PHYKPL: variants seen among roughly 807,000 people sequenced by gnomAD.
PHYKPL encodes 5-phosphonooxy-L-lysine phospho-lyase.
A neutral mutation model predicts 51.3 loss-of-function variants in PHYKPL; 42 were observed. That is an observed-to-expected ratio of 0.82 (90% confidence interval 0.64 to 1.06). PHYKPL has a LOEUF of 1.06. Among genes scored for constraint, PHYKPL ranks in the 50% least tolerant of loss-of-function variants. The pLI, the probability that PHYKPL is intolerant of heterozygous loss-of-function variation, is 0.00. For synonymous variants in PHYKPL, 264 were observed against 236.0 expected (o/e 1.12, Z -1.09); for missense variants, 655 against 586.6 (o/e 1.12, Z -1.20).
chr5:178,230,243 A>C, intron 2 of PHYKPL, 144 bp from the exon 3 acceptor site: 1 of 985,358 alleles, frequency 1.0e-6, no homozygotes, highest in East Asian at 2.6e-5. Context: ...AAGGCAGAGC[A>C]GGGAGAGAGA....
At chr5:178,225,285 A>G (rs1762062254) in intron 4 of PHYKPL, 70 bp downstream of exon 4, 1 of 1,566,294 alleles carries the variant, frequency 6.4e-7, no homozygotes, top group Non-Finnish European at 8.8e-7. Flanking sequence ...ACCCAGAGTC[A>G]GTCTCACGGA....
chr5:178,222,529 G>T lies in PHYKPL; in HGVS notation c.753C>A (p.Gly251=). Residue 251 remains glycine (G), a synonymous_variant, in exon 8 of 13, where the codon GGC becomes GGA. Transcript: ENST00000308158. ...GVFVADEIQV[G]FGRVGKHFWA... ...AGAAGTGCTTGCCTACCCGGCCAAA[G>T]CCAACCTGGATCTCATCTGCAACAA... 1.9e-6 allele frequency: 3 copies of T among 1,614,246 alleles called. No homozygotes were observed.
intron 6 of PHYKPL, 100 bp downstream of exon 6, chr5:178,224,348 T>C (rs1761838130): frequency 7.9e-7 from 1 of 1,262,322 alleles, no homozygotes; most frequent in Non-Finnish European, 1.1e-6. Flanking sequence ...CAGGGCCTCG[T>C]TTGGTTTTCT....
At chr5:178,226,982 A>G (rs1044297638) in intron 3 of PHYKPL, among the ~76,000 whole-genome samples, 6 of 81,480 alleles carry the variant, frequency 7.4e-5, no homozygotes, top group African/African-American at 3.7e-4. Flanking sequence ...GCCAAAAAAG[A>G]AGAAGTGATC....
At chr5:178,231,859 C>T (rs1443963709) in intron 1 of PHYKPL, 3 of 1,336,672 alleles carry the variant, frequency 2.2e-6, no homozygotes, top group African/African-American at 3.0e-5. Flanking sequence ...CTCCATAAGG[C>T]CGCGTGTCTT....
At chr5:178,209,324 T>A in intron 12 of PHYKPL, 1 of 1,613,508 alleles carries the variant, frequency 6.2e-7, no homozygotes, top group Non-Finnish European at 8.5e-7. Context: ...TCCTCTTGAC[T>A]TTTAGTGTGA....
intron 1 of PHYKPL, 30 bp downstream of exon 1, chr5:178,232,462 C>T (rs138665724): frequency 2.8e-5 from 38 of 1,358,608 alleles, no homozygotes; most frequent in Non-Finnish European, 3.4e-5. Flanking sequence ...CAGCCCCGCG[C>T]CCCCCGCCGC....
intron 6 of PHYKPL, among the ~76,000 whole-genome samples, chr5:178,223,153 G>T (rs1379801912): frequency 6.6e-6 from 1 of 152,090 alleles, no homozygotes; most frequent in East Asian, 1.9e-4. Context: ...CCTAGTACTT[G>T]GCATGCCCCA....
chr5:178,212,500 G>A (rs888415077), intron 11 of PHYKPL, among the ~76,000 whole-genome samples: 4 of 152,232 alleles, frequency 2.6e-5, no homozygotes, highest in African/African-American at 9.7e-5. Flanking sequence ...ACCATCCTAG[G>A]TGATGGGGAA....
At chr5:178,213,136 TCA>T in intron 10 of PHYKPL, 33 bp from the exon 11 acceptor site, 1 of 1,610,354 alleles carries the variant, frequency 6.2e-7, no homozygotes. Flanking sequence ...CACATGGCCT[TCA>T]AGGCCTTCCT....
chr5:178,217,676 G>A (rs796946334), intron 8 of PHYKPL, among the ~76,000 whole-genome samples: 4 of 151,222 alleles, frequency 2.6e-5, no homozygotes, highest in Non-Finnish European at 5.9e-5. Flanking sequence ...GGCTAACATG[G>A]TGAAACCCCG....
chr5:178,207,163 AAAG>A (rs779825150), downstream of PHYKPL: 44 of 1,614,062 alleles, frequency 2.7e-5, no homozygotes, highest in East Asian at 2.2e-5. Context: ...TATCACCTTT[AAAG>A]AAGAAGAACC....
At chr5:178,219,156 TAAAC>T (rs1375973840) in intron 8 of PHYKPL, among the ~76,000 whole-genome samples, 4 of 152,166 alleles carry the variant, frequency 2.6e-5, no homozygotes, top group African/African-American at 4.8e-5. Flanking sequence ...AGAGATATCT[TAAAC>T]AATATATGAA....
intron 12 of PHYKPL, chr5:178,209,242 A>G: frequency 9.7e-7 from 1 of 1,025,896 alleles, no homozygotes; most frequent in South Asian, 1.3e-5. Context: ...CTGATCCACC[A>G]TTTGATGTTT....
intron 1 of PHYKPL, 21 bp downstream of exon 1, chr5:178,232,467 CGCCG>C: frequency 1.5e-6 from 2 of 1,359,370 alleles, no homozygotes; most frequent in Non-Finnish European, 1.9e-6. Flanking sequence ...CCGCGCCCCC[CGCCG>C]CCCGCCCCCC....
chr5:178,208,405 A>G (rs1757209807), downstream of PHYKPL: 1 of 152,206 alleles, frequency 6.6e-6, no homozygotes, highest in African/African-American at 2.4e-5. Flanking sequence ...CTTTTTCTCT[A>G]TGTGCCATAA....
intron 12 of PHYKPL, chr5:178,210,330 A>G (rs1757837479): frequency 3.7e-6 from 6 of 1,610,744 alleles, no homozygotes; most frequent in African/African-American, 1.3e-5. Flanking sequence ...GGGAGGCAGG[A>G]CAGTGTAGGA....
rs1057389240 is a variant in PHYKPL at position 178,224,469 on chromosome 5, A to G, written c.597T>C (p.Ser199=). The change falls in exon 6 of 13, where the codon AGT becomes AGC. Residue 199 remains serine, a synonymous_variant. Transcript: ENST00000308158. ...TTACCTTCCTGCCCTTCTCCTGTGC[A>G]CTGCTGACCACACGTTTCACCTCGT... The part of the protein sequence containing the change: ...YANEVKRVVS[S]AQEKGRKIAA... The G allele has an allele frequency of 6.3e-7, 1 of 1,598,288 alleles. No individual in the cohort carries two copies. The highest frequency in any genetic ancestry group is 8.5e-7 in the Non-Finnish European group (1 of 1,171,600).
At chr5:178,230,128 C>T (rs775868169) in intron 2 of PHYKPL, 29 bp from the exon 3 acceptor site, 2 of 1,611,022 alleles carry the variant, frequency 1.2e-6, no homozygotes, top group Non-Finnish European at 1.7e-6. Context: ...CGTCACACGG[C>T]TGGCTCCACT....
Sources: gnomAD v4.1 joint callset for allele counts (sites outside exome capture counted in the v4.1 genomes callset) on GRCh38, gnomAD v4.1.1 for gene constraint, MANE v1.5 for transcripts, NCBI Gene and HGNC (gene_info 2026-07-23, HGNC 2026-07-21) for gene names.